The following TMEM245 variants were observed in gnomAD, a reference collection of about 807,000 sequenced individuals.
TMEM245 encodes the protein transmembrane protein 245.
A neutral mutation model predicts 101.2 loss-of-function variants in TMEM245; 69 were observed. The observed-to-expected ratio is 0.68, with a 90% confidence interval of 0.56 to 0.83. The LOEUF is 0.83. Among genes scored for constraint, TMEM245 ranks in the 40% least tolerant of loss-of-function variants. The pLI, the probability that TMEM245 is intolerant of heterozygous loss-of-function variation, is 0.00. For synonymous variants in TMEM245, 537 were observed against 449.8 expected (o/e 1.19, Z -2.45); for missense variants, 1,075 against 1,092.8 (o/e 0.98, Z 0.23).
At chr9:109,098,740 G>T (rs1330565333) in intron 3 of TMEM245, among the ~76,000 whole-genome samples, 12 of 152,102 alleles carry the variant, frequency 7.9e-5, no homozygotes, top group Admixed American at 7.9e-4. Context: ...GAAAAAAAAG[G>T]AAAGAACATC....
intron 8 of TMEM245, among the ~76,000 whole-genome samples, chr9:109,078,756 T>C (rs1421080685): frequency 6.6e-6 from 1 of 152,240 alleles, no homozygotes; most frequent in East Asian, 1.9e-4. Context: ...ACTGAAGGTT[T>C]GTTGAACCTC....
At chr9:109,078,220 C>T (rs562982) in intron 8 of TMEM245, among the ~76,000 whole-genome samples, 142,038 of 152,262 alleles carry the variant, frequency 0.93, 66,349 homozygotes, top group East Asian at 1. Flanking sequence ...TATGGTTTTA[C>T]ATATACATAG....
At chr9:109,058,249 C>T (rs1170506512) in intron 11 of TMEM245, among the ~76,000 whole-genome samples, 1 of 151,884 alleles carries the variant, frequency 6.6e-6, no homozygotes, top group Non-Finnish European at 1.5e-5. Context: ...CGTGATCCGC[C>T]CGCCTCAGCC....
chr9:109,070,086 G>T (rs144423490), intron 9 of TMEM245, among the ~76,000 whole-genome samples: 1 of 152,174 alleles, frequency 6.6e-6, no homozygotes, highest in East Asian at 1.9e-4. Flanking sequence ...CACCCTTAAA[G>T]GCTTAAGATA....
At chr9:109,098,170 T>C (rs1830190865) in intron 3 of TMEM245, among the ~76,000 whole-genome samples, 1 of 152,194 alleles carries the variant, frequency 6.6e-6, no homozygotes, top group Admixed American at 6.5e-5. Context: ...CTTGTATCTG[T>C]AGAGTAGGCA....
At position 109,016,211 on chromosome 9, in the gene TMEM245, T is replaced by C. The variant is rs920710276; in HGVS notation, c.*4249A>G. The C allele has an allele frequency of 6.6e-6, 1 of 152,448 alleles. No homozygotes were observed. The highest frequency in any genetic ancestry group is 1.5e-5 in the Non-Finnish European group (1 of 68,024). 9.4% of individuals were successfully genotyped at this position (152,448 alleles called of 1,614,324 possible). ...TATAAATTCACAATGTGTAATAGCATGTTCAAAACTCTTAGAAGTCCTACA... is the reference window on the plus strand; with the variant it reads ...TATAAATTCACAATGTGTAATAGCACGTTCAAAACTCTTAGAAGTCCTACA... On this transcript the variant is annotated 3_prime_UTR_variant, in exon 18 of 18. Coordinates refer to ENST00000374586, the MANE Select transcript of TMEM245 (RefSeq NM_032012.4).
At chr9:109,106,424 A>G in intron 3 of TMEM245, 84 bp downstream of exon 3, 3 of 788,856 alleles carry the variant, frequency 3.8e-6, no homozygotes, top group East Asian at 2.7e-5. Context: ...ATAGATTCAA[A>G]GCTGTTTCAT....
At chr9:109,111,492 T>C (rs1469256005) in intron 1 of TMEM245, among the ~76,000 whole-genome samples, 1 of 151,920 alleles carries the variant, frequency 6.6e-6, no homozygotes, top group African/African-American at 2.4e-5. Context: ...AAATTTATTG[T>C]CTAACAAGAA....
intron 14 of TMEM245, chr9:109,038,865 A>G (rs570052123): frequency 6.6e-6 from 1 of 152,376 alleles, no homozygotes; most frequent in Non-Finnish European, 1.5e-5. Flanking sequence ...TTAGTAAGGC[A>G]GTGCAGCACT....
chr9:109,083,912 A>AAAC (rs1829749076), intron 7 of TMEM245, among the ~76,000 whole-genome samples: 1 of 133,986 alleles, frequency 7.5e-6, no homozygotes, highest in Non-Finnish European at 1.6e-5. Flanking sequence ...AAAAAAAAAA[A>AAAC]AAAAAAAAAA....
In TMEM245 at chr9:109,064,579, CA is replaced by C; in HGVS notation, c.1533-13del. On this transcript the variant is annotated splice_polypyrimidine_tract_variant and intron_variant, in intron 9 of 17. Transcript: ENST00000374586. ...CCTCAGGAAGCCAACTAATGTAAAACAAAGAAAAAAATGAAAAAAGTACACT... is the reference window on the plus strand; with the variant it reads ...CCTCAGGAAGCCAACTAATGTAAAACAAGAAAAAAATGAAAAAAGTACACT... 1 of 1,606,864 alleles carries C rather than the reference CA, an allele frequency of 6.2e-7. No individual in the cohort carries two copies. Among genetic ancestry groups the C allele is most frequent in the Non-Finnish European group, 8.5e-7 (1 of 1,177,484 alleles).
At chr9:109,076,158 T>G (rs1478641136) in intron 8 of TMEM245, among the ~76,000 whole-genome samples, 1 of 151,980 alleles carries the variant, frequency 6.6e-6, no homozygotes, top group Non-Finnish European at 1.5e-5. Context: ...ATAGACTGGA[T>G]TAAGAAAATG....
At chr9:109,052,353 G>A (rs1314498132) in intron 12 of TMEM245, among the ~76,000 whole-genome samples, 1 of 152,166 alleles carries the variant, frequency 6.6e-6, no homozygotes, top group African/African-American at 2.4e-5. Flanking sequence ...TTGCCCAAAG[G>A]CACAAAGCTA....
In TMEM245 at chr9:109,119,440, G is replaced by C. The variant is rs1436077432; in HGVS notation, c.474C>G (p.Leu158=). 5 of 1,509,558 alleles carry C rather than the reference G, an allele frequency of 3.3e-6. No individual in the cohort carries two copies. The highest frequency in any genetic ancestry group is 4.4e-6 in the Non-Finnish European group (5 of 1,135,920). The allele number at this position is 1,509,558 out of a possible 1,614,324, so 93.5% of individuals were successfully genotyped here. Residue 158 remains leucine (L), a synonymous_variant, in exon 1 of 18, where the codon CTC becomes CTG. Transcript: ENST00000374586. ...LLLLLGAGGP[L]LYGLYCLGSY... ...TGCCGAGGCAGTAGAGGCCGTACAG[G>C]AGCGGGCCGCCGGCGCCGAGCAGCA...
At chr9:109,044,642 G>A (rs999982459) in intron 14 of TMEM245, among the ~76,000 whole-genome samples, 5 of 152,040 alleles carry the variant, frequency 3.3e-5, no homozygotes, top group African/African-American at 1.2e-4. Context: ...GTACTCGCCA[G>A]CTCCCTTGAC....
At chr9:109,107,630 G>A (rs987902878) in intron 2 of TMEM245, among the ~76,000 whole-genome samples, 4 of 152,106 alleles carry the variant, frequency 2.6e-5, no homozygotes, top group East Asian at 1.9e-4. Flanking sequence ...GACATCAAAC[G>A]AAGACAGAGA....
In TMEM245 at chr9:109,090,935, T is replaced by C. The variant is rs747727619; in HGVS notation, c.1137A>G (p.Pro379=). Residue 379 remains proline, a synonymous_variant, in exon 5 of 18, where the codon CCA becomes CCG. Coordinates refer to ENST00000374586, the MANE Select transcript of TMEM245 (RefSeq NM_032012.4). The part of the protein sequence containing the change: ...WLNLWIVQLL[P]VPIAVWILKK... Reference sequence around the variant, plus strand: ...CCAGATAACGACCTGCAATCGGCACTGGCAGCAACTGCACAATCCACAGGT... The same window carrying C: ...CCAGATAACGACCTGCAATCGGCACCGGCAGCAACTGCACAATCCACAGGT... The C allele has an allele frequency of 3.0e-5, 48 of 1,613,992 alleles. No individual in the cohort carries two copies. The highest frequency in any genetic ancestry group is 3.7e-5 in the Non-Finnish European group (44 of 1,180,000).
intron 17 of TMEM245, among the ~76,000 whole-genome samples, chr9:109,029,857 C>T (rs1192029497): frequency 6.6e-6 from 1 of 152,084 alleles, no homozygotes; most frequent in Non-Finnish European, 1.5e-5. Flanking sequence ...AGGTGAGTGC[C>T]TGGTGCAGAG....
rs562441634 is a variant in TMEM245, at chr9:109,106,536, A to G, written c.771T>C (p.Tyr257=). The part of the protein sequence containing the change: ...IVFLMSVGTL[Y]EKQNGKESSG... ...AAGACTCTTTTCCATTCTGTTTTTC[A>G]TAGAGGGTACCCACAGACATCAGGA... is the stretch of plus-strand genomic sequence containing the variant. Residue 257 remains tyrosine (Y), a synonymous_variant, in exon 3 of 18, where the codon TAT becomes TAC. Transcript: ENST00000374586. The G allele has an allele frequency of 1.9e-6, 3 of 1,611,326 alleles. No homozygotes were observed. Among genetic ancestry groups the G allele is most frequent in the African/African-American group, 2.7e-5 (2 of 74,984 alleles).
Sources: gnomAD v4.1 joint callset for allele counts (sites outside exome capture counted in the v4.1 genomes callset) on GRCh38, gnomAD v4.1.1 for gene constraint, MANE v1.5 for transcripts, NCBI Gene and HGNC (gene_info 2026-07-23, HGNC 2026-07-21) for gene names.